MIR2052HG: variants seen among roughly 807,000 people sequenced by gnomAD.
The protein encoded by MIR2052HG is MIR2052 host gene.
At chr8:74,721,512 C>G (rs961060954) in intron 4 of MIR2052HG, among the ~76,000 whole-genome samples, 1 of 152,148 alleles carries the variant, frequency 6.6e-6, no homozygotes, top group Non-Finnish European at 1.5e-5. Flanking sequence ...GGCCTCTTAT[C>G]TGTTGGAGGT....
chr8:74,751,768 A>T (rs1161338159), intron 4 of MIR2052HG, among the ~76,000 whole-genome samples: 1 of 152,234 alleles, frequency 6.6e-6, no homozygotes, highest in South Asian at 2.1e-4. Flanking sequence ...ATGATGACAA[A>T]TTAAATTTAG....
intron 2 of MIR2052HG, among the ~76,000 whole-genome samples, chr8:74,631,692 G>T (rs1470672951): frequency 6.6e-6 from 1 of 152,126 alleles, no homozygotes; most frequent in African/African-American, 2.4e-5. Context: ...CCTTAGACTG[G>T]GTAATTTATC....
intron 2 of MIR2052HG, among the ~76,000 whole-genome samples, chr8:74,648,983 G>A (rs887114160): frequency 1.3e-5 from 2 of 152,028 alleles, no homozygotes; most frequent in African/African-American, 4.8e-5. Flanking sequence ...CTATAGTGGG[G>A]ACATCTGGAT....
intron 4 of MIR2052HG, among the ~76,000 whole-genome samples, chr8:74,737,893 C>T (rs1237673875): frequency 6.6e-6 from 1 of 152,106 alleles, no homozygotes; most frequent in East Asian, 1.9e-4. Flanking sequence ...ACAGCTTTAC[C>T]TACACAAAGC....
intron 5 of MIR2052HG, among the ~76,000 whole-genome samples, chr8:74,753,062 A>G (rs555910913): frequency 6.6e-6 from 1 of 152,326 alleles, no homozygotes; most frequent in South Asian, 2.1e-4. Flanking sequence ...GTATTTTTTA[A>G]AACACGTAAG....
chr8:74,650,385 G>A (rs547516853), intron 2 of MIR2052HG, among the ~76,000 whole-genome samples: 56 of 152,180 alleles, frequency 3.7e-4, no homozygotes, highest in African/African-American at 1.3e-3. Flanking sequence ...CATTTTTATA[G>A]GGAGATAGTA....
At chr8:74,634,162 G>T (rs533165754) in intron 2 of MIR2052HG, among the ~76,000 whole-genome samples, 1 of 152,098 alleles carries the variant, frequency 6.6e-6, no homozygotes, top group African/African-American at 2.4e-5. Flanking sequence ...ATGTAGGGAG[G>T]GCATGCTATT....
intron 5 of MIR2052HG, chr8:74,757,620 A>G (rs1008025245): frequency 6.6e-6 from 1 of 152,214 alleles, no homozygotes; most frequent in Admixed American, 6.5e-5. Flanking sequence ...TCATTTGCCA[A>G]AGTCATTTGT....
chr8:74,707,954 AGAACT>A (rs1239699403), intron 4 of MIR2052HG, among the ~76,000 whole-genome samples: 1 of 152,128 alleles, frequency 6.6e-6, no homozygotes, highest in Non-Finnish European at 1.5e-5. Flanking sequence ...AACAGTGAAA[AGAACT>A]CTCCTTGGAA....
intron 2 of MIR2052HG, among the ~76,000 whole-genome samples, chr8:74,679,088 T>G (rs1000639726): frequency 6.6e-6 from 1 of 152,232 alleles, no homozygotes; most frequent in African/African-American, 2.4e-5. Context: ...AATACAAATC[T>G]TTTTCAAAAT....
chr8:74,623,879 C>G (rs1469401926), intron 2 of MIR2052HG, among the ~76,000 whole-genome samples: 1 of 152,108 alleles, frequency 6.6e-6, no homozygotes, highest in Non-Finnish European at 1.5e-5. Flanking sequence ...AAAGAGAAGT[C>G]TTGTTAAAGG....
At chr8:74,662,370 G>C (rs565502689) in intron 2 of MIR2052HG, among the ~76,000 whole-genome samples, 1 of 149,962 alleles carries the variant, frequency 6.7e-6, no homozygotes, top group African/African-American at 2.5e-5. Context: ...TTCCGCATAA[G>C]AAGTAGGATT....
chr8:74,729,692 T>G (rs1809671122), intron 4 of MIR2052HG, among the ~76,000 whole-genome samples: 1 of 152,126 alleles, frequency 6.6e-6, no homozygotes, highest in African/African-American at 2.4e-5. Context: ...AAATAGGCAT[T>G]CCAGTCTCTT....
intron 2 of MIR2052HG, among the ~76,000 whole-genome samples, chr8:74,658,472 C>A (rs1160190364): frequency 6.6e-6 from 1 of 151,848 alleles, no homozygotes; most frequent in Non-Finnish European, 1.5e-5. Flanking sequence ...CTCACTGCAA[C>A]CTCCACCTCC....
intron 5 of MIR2052HG, chr8:74,758,004 T>C (rs1305419163): frequency 6.6e-6 from 1 of 152,204 alleles, no homozygotes; most frequent in Non-Finnish European, 1.5e-5. Flanking sequence ...GTCATAAATA[T>C]TGATTCTTCT....
At chr8:74,669,810 C>A (rs902431502) in intron 2 of MIR2052HG, among the ~76,000 whole-genome samples, 4 of 152,144 alleles carry the variant, frequency 2.6e-5, no homozygotes, top group Admixed American at 6.6e-5. Flanking sequence ...ATCCTGACCA[C>A]CTAGTTAGAG....
chr8:74,646,927 C>CAAATAAAT (rs55655738), intron 2 of MIR2052HG, among the ~76,000 whole-genome samples: 3 of 151,108 alleles, frequency 2.0e-5, no homozygotes, highest in African/African-American at 2.4e-5. Flanking sequence ...AACCCTGTCT[C>CAAATAAAT]AAATAAATAA....
intron 5 of MIR2052HG, chr8:74,757,738 A>G (rs1033568486): frequency 8.5e-5 from 13 of 152,184 alleles, no homozygotes; most frequent in African/African-American, 3.1e-4. Context: ...TGATATACAT[A>G]TTAAAGAGTC....
intron 2 of MIR2052HG, among the ~76,000 whole-genome samples, chr8:74,658,383 C>T (rs535535457): frequency 3.0e-4 from 44 of 147,888 alleles, no homozygotes; most frequent in East Asian, 2.5e-3. Flanking sequence ...TTCTTTCTCT[C>T]GCTCTCTTTT....
Sources: allele counts gnomAD v4.1 joint callset (sites outside exome capture counted in the v4.1 genomes callset), GRCh38; gene constraint gnomAD v4.1.1; transcripts MANE v1.5; gene names NCBI Gene and HGNC (gene_info 2026-07-23, HGNC 2026-07-21).